API5: variants seen among roughly 807,000 people sequenced by gnomAD.
API5 encodes apoptosis inhibitor 5, also known as FIF.
A neutral mutation model predicts 71.9 loss-of-function variants in API5; 6 were observed. That is an observed-to-expected ratio of 0.08 (90% CI 0.05 to 0.16). The LOEUF (loss-of-function observed/expected upper bound fraction) is 0.16, where lower values mean the gene tolerates loss of function less well. Ranked by LOEUF, API5 falls within the 10% of genes least tolerant of loss-of-function variation. The probability of loss-of-function intolerance (pLI) is 1.00; values close to 1 mark genes in which losing one functional copy is unlikely to be tolerated. For synonymous variants in API5, 189 were observed against 221.3 expected, an observed-to-expected ratio of 0.85 and a Z score of 1.30; for missense variants, 332 against 612.8, an observed-to-expected ratio of 0.54 and a Z score of 4.84.
chr11:43,318,517 T>A, intron 1 of API5, 123 bp from the exon 2 acceptor site: 1 of 1,551,126 alleles, frequency 6.4e-7, no homozygotes, highest in South Asian at 1.2e-5. Flanking sequence ...CCTCCCAAAA[T>A]CAGCTTTATT....
intron 6 of API5, among the ~76,000 whole-genome samples, chr11:43,324,206 C>T (rs750261466): frequency 3.3e-5 from 5 of 152,096 alleles, no homozygotes; most frequent in Non-Finnish European, 7.4e-5. Flanking sequence ...TTTGTAGAGA[C>T]GGGGCTTCCC....
rs1854883472 is a variant in API5, at chr11:43,321,333, T to C, written c.326-78T>C. On this transcript the variant is annotated intron_variant, in intron 3 of 13. Transcript: ENST00000531273. ...GTCAATGTAACCTTGAGAAACTAAG[T>C]TGAATCAAGTTTGAAACTGAAGCAG... 17 of 1,224,030 alleles carry C rather than the reference T, an allele frequency of 1.4e-5. No individual in the cohort carries two copies. The South Asian group carries it at 1.4e-4, about 10-fold the overall frequency. 75.8% of individuals were successfully genotyped at this position (1,224,030 alleles called of 1,614,324 possible). A position where few individuals can be genotyped will look rare whatever the true frequency, so the allele number is the denominator to read the frequency against.
chr11:43,320,745 A>G, intron 2 of API5, 76 bp from the exon 3 acceptor site: 1 of 1,214,676 alleles, frequency 8.2e-7, no homozygotes, highest in Non-Finnish European at 1.2e-6. Flanking sequence ...AAAAAAAAAA[A>G]GAAAGAAAAG....
At chr11:43,329,045 CAT>C in intron 9 of API5, 152 bp downstream of exon 9, 1 of 764,494 alleles carries the variant, frequency 1.3e-6, no homozygotes. Flanking sequence ...TGTTTGTAAA[CAT>C]ATGACAGAAA....
Position 43,330,092 on chromosome 11 carries a change from A to G in API5, c.1221+34A>G, listed in dbSNP as rs534597654. 75 of 1,534,642 alleles carry G rather than the reference A, an allele frequency of 4.9e-5. No homozygotes were observed. In the South Asian group the frequency reaches 7.4e-4, roughly 15 times the overall value. ...ACTGGCTCACATTTCATAAACTGCTAGTTCCATACCAAACTATATAGACTT... is the reference window on the plus strand; with the variant it reads ...ACTGGCTCACATTTCATAAACTGCTGGTTCCATACCAAACTATATAGACTT... On this transcript the variant is annotated intron_variant, in intron 10 of 13. Transcript: ENST00000531273.
chr11:43,313,156 C>G (rs924482292), intron 1 of API5, among the ~76,000 whole-genome samples: 1 of 149,542 alleles, frequency 6.7e-6, no homozygotes, highest in Non-Finnish European at 1.5e-5. Context: ...TTTAATGAAA[C>G]ATGTTTGAAG....
At chr11:43,324,350 T>C (rs1018475388) in intron 6 of API5, among the ~76,000 whole-genome samples, 1 of 152,134 alleles carries the variant, frequency 6.6e-6, no homozygotes, top group Non-Finnish European at 1.5e-5. Context: ...CTAGAGACTT[T>C]TTTTGAAAGT....
At chr11:43,313,532 T>C (rs1854564920) in intron 1 of API5, among the ~76,000 whole-genome samples, 1 of 152,158 alleles carries the variant, frequency 6.6e-6, no homozygotes, top group Non-Finnish European at 1.5e-5. Flanking sequence ...GGGAGTACCT[T>C]TCCCGTCCCC....
At chr11:43,332,729 A>G (rs1311041799) in intron 11 of API5, among the ~76,000 whole-genome samples, 1 of 152,058 alleles carries the variant, frequency 6.6e-6, no homozygotes, top group African/African-American at 2.4e-5. Context: ...GTTTTTATGG[A>G]GGCTCCATTA....
At chr11:43,341,631 A>G (rs1855618943) in intron 13 of API5, among the ~76,000 whole-genome samples, 1 of 152,162 alleles carries the variant, frequency 6.6e-6, no homozygotes, top group Non-Finnish European at 1.5e-5. Flanking sequence ...GGAGGATGCA[A>G]AATAACATAG....
intron 1 of API5, among the ~76,000 whole-genome samples, chr11:43,312,524 C>T (rs1005455300): frequency 1.3e-5 from 2 of 152,274 alleles, no homozygotes; most frequent in Admixed American, 6.5e-5. Flanking sequence ...AAGCCTTTCT[C>T]CTTTTCGGTG....
chr11:43,316,067 A>G (rs1854657987), intron 1 of API5, among the ~76,000 whole-genome samples: 1 of 152,162 alleles, frequency 6.6e-6, no homozygotes, highest in African/African-American at 2.4e-5. Flanking sequence ...CTAGCTTTGC[A>G]GGGTTGGCGT....
At chr11:43,315,671 C>T (rs1854644487) in intron 1 of API5, among the ~76,000 whole-genome samples, 1 of 152,166 alleles carries the variant, frequency 6.6e-6, no homozygotes, top group South Asian at 2.1e-4. Context: ...TCTTCCAGTC[C>T]TATCATCTTC....
At chr11:43,330,655 A>C in intron 11 of API5, 91 bp downstream of exon 11, 1 of 1,011,402 alleles carries the variant, frequency 9.9e-7, no homozygotes, top group Non-Finnish European at 1.5e-6. Context: ...ACTTCCAACA[A>C]AGGGAGGCAT....
intron 1 of API5, among the ~76,000 whole-genome samples, chr11:43,318,172 G>A (rs7123399): frequency 0.056 from 8,531 of 152,142 alleles, 275 homozygotes; most frequent in African/African-American, 0.093. Flanking sequence ...ACCACGCCTG[G>A]CTAATTTTTG....
chr11:43,337,937 AACACTTTAG>A (rs1415655810), intron 13 of API5, among the ~76,000 whole-genome samples: 3 of 152,216 alleles, frequency 2.0e-5, no homozygotes, highest in Non-Finnish European at 4.4e-5. Flanking sequence ...TGAAAAATCT[AACACTTTAG>A]ATTGTATACA....
chr11:43,316,390 T>G (rs1448290269), intron 1 of API5, among the ~76,000 whole-genome samples: 2 of 530 alleles, frequency 3.8e-3, no homozygotes, highest in African/African-American at 2.5e-3. Flanking sequence ...TAAGCAGGGT[T>G]TTTTTTTTTT....
Position 43,338,978 on chromosome 11 carries a change from A to G in API5, c.1492+2984A>G, listed in dbSNP as rs986257340. On this transcript the variant is annotated intron_variant, in intron 13 of 13. Coordinates refer to ENST00000531273, the MANE Select transcript of API5 (RefSeq NM_001142930.2). ...GCTACTGCACTACCTTAATGCTCCC[A>G]TAGTTACTGCATCTGTCTCTGGGAG... Among the ~76,000 whole-genome samples the G allele has an allele frequency of 6.6e-5, 10 of 152,320 alleles. No individual in the cohort carries two copies. In the East Asian group the frequency reaches 1.5e-3, roughly 23 times the overall value.
At position 43,328,874 on chromosome 11, in the gene API5, C is replaced by G. The variant is rs140542517; in HGVS notation, c.1108C>G (p.Leu370Val). Reference protein sequence around the residue: ...FLTAKLNAEKLKDFKIRLQYF... With the variant: ...FLTAKLNAEKVKDFKIRLQYF... ...AACAGCCAAACTGAATGCAGAAAAGCTCAAAGATTTCAAAATCAGGTGATA... is the reference window on the plus strand; with the variant it reads ...AACAGCCAAACTGAATGCAGAAAAGGTCAAAGATTTCAAAATCAGGTGATA... Residue 370 changes from leucine (L) to valine (V), a missense_variant, in exon 9 of 14, where the codon CTC becomes GTC. Leu to Val is a conservative substitution (Grantham distance 32, BLOSUM62 1). This residue lies in a region of API5 where 168 missense variants were observed against 343.9 expected (regional missense o/e 0.49). Transcript: ENST00000531273. 49 of 1,613,818 alleles carry G rather than the reference C, an allele frequency of 3.0e-5. No individual in the cohort carries two copies. The highest frequency in any genetic ancestry group is 4.0e-5 in the Non-Finnish European group (47 of 1,179,970).
Sources: allele counts gnomAD v4.1 joint callset (sites outside exome capture counted in the v4.1 genomes callset), GRCh38; gene constraint gnomAD v4.1.1; regional missense constraint gnomAD v4.1.1; transcripts MANE v1.5; gene names NCBI Gene and HGNC (gene_info 2026-07-23, HGNC 2026-07-21).